USP3: variants seen among roughly 807,000 people sequenced by gnomAD.
The protein encoded by USP3 is ubiquitin carboxyl-terminal hydrolase 3.
Under a neutral mutation model 72.3 loss-of-function variants are expected in USP3, and 20 were observed. The observed-to-expected ratio is 0.28, with a 90% CI of 0.19 to 0.40. The LOEUF is 0.40. USP3 is among the 10% of genes least tolerant of loss of function. USP3 has a pLI of 1.00. For synonymous variants in USP3, 222 were observed against 225.3 expected, an observed-to-expected ratio of 0.99 and a Z score of 0.13; for missense variants, 479 against 633.9, an observed-to-expected ratio of 0.76 and a Z score of 2.62.
chr15:63,535,515 G>C (rs1462055748), intron 2 of USP3, among the ~76,000 whole-genome samples: 1 of 152,172 alleles, frequency 6.6e-6, no homozygotes, highest in African/African-American at 2.4e-5. Context: ...AAGCTCTCAT[G>C]GCCAGGATGT....
chr15:63,555,066 A>G (rs914640279), intron 4 of USP3, among the ~76,000 whole-genome samples: 2 of 152,190 alleles, frequency 1.3e-5, no homozygotes, highest in Admixed American at 1.3e-4. Flanking sequence ...AGTCAAAGGG[A>G]AAAGAGGGCA....
chr15:63,531,866 A>G lies in USP3; in HGVS notation c.92-781A>G, dbSNP rs1445659524. Among the ~76,000 whole-genome samples the G allele has an allele frequency of 4.6e-5, 7 of 152,258 alleles. No homozygotes were observed. The East Asian group carries it at 1.2e-3, about 25-fold the overall frequency. ...GGAAGCTACTTTGCGCAAAATATAC[A>G]TGTTCTTTGTACTTCCTTCCCCACG... is the stretch of plus-strand genomic sequence containing the variant. On this transcript the variant is annotated intron_variant, in intron 1 of 14. Transcript: ENST00000380324.
At chr15:63,554,272 C>T (rs1345521561) in intron 4 of USP3, among the ~76,000 whole-genome samples, 1 of 152,114 alleles carries the variant, frequency 6.6e-6, no homozygotes, top group African/African-American at 2.4e-5. Flanking sequence ...GGCACAGGAT[C>T]CTAGTTTCTT....
At chr15:63,536,405 C>T (rs2066155987) in intron 2 of USP3, among the ~76,000 whole-genome samples, 1 of 148,728 alleles carries the variant, frequency 6.7e-6, no homozygotes, top group African/African-American at 2.5e-5. Context: ...ATTTACTTAA[C>T]AGAGCTTGTC....
chr15:63,563,371 T>G (rs1479635832), intron 8 of USP3, among the ~76,000 whole-genome samples: 1 of 152,170 alleles, frequency 6.6e-6, no homozygotes, highest in Non-Finnish European at 1.5e-5. Flanking sequence ...GCTAAAAAAA[T>G]TAATAAGATC....
chr15:63,511,103 A>G (rs1029903033), intron 1 of USP3, among the ~76,000 whole-genome samples: 5 of 151,944 alleles, frequency 3.3e-5, no homozygotes, highest in Admixed American at 6.6e-5. Flanking sequence ...CTAGCATTTA[A>G]TCCTGACTAA....
At chr15:63,537,272 G>A in intron 3 of USP3, 116 bp downstream of exon 3, 1 of 1,233,006 alleles carries the variant, frequency 8.1e-7, no homozygotes, top group East Asian at 2.7e-5. Flanking sequence ...TTTTACAACT[G>A]TTAGGATTCA....
At chr15:63,536,942 GATTA>G in intron 2 of USP3, 79 bp from the exon 3 acceptor site, 1 of 1,381,410 alleles carries the variant, frequency 7.2e-7, no homozygotes, top group Non-Finnish European at 9.8e-7. Context: ...ATTTTGATTT[GATTA>G]ATATTTAATT....
Position 63,593,124 on chromosome 15 carries a change from G to A in USP3, c.*2298G>A, listed in dbSNP as rs981116323. The A allele has an allele frequency of 2.0e-5, 3 of 152,144 alleles. No individual in the cohort carries two copies. Among genetic ancestry groups the A allele is most frequent in the Non-Finnish European group, 4.4e-5 (3 of 68,022 alleles). 9.4% of individuals were successfully genotyped at this position (152,144 alleles called of 1,614,324 possible). On this transcript the variant is annotated 3_prime_UTR_variant, in exon 15 of 15. Transcript: ENST00000380324. ...AATAAAACTTTGCCATCATGTTTAG[G>A]TCTTACAACTTTGAGTCCTAAAAGA...
chr15:63,512,537 C>T (rs2065804907), intron 1 of USP3, among the ~76,000 whole-genome samples: 1 of 151,976 alleles, frequency 6.6e-6, no homozygotes, highest in African/African-American at 2.4e-5. Flanking sequence ...CCTCCACTCC[C>T]AGGTTCAAGT....
intron 11 of USP3, among the ~76,000 whole-genome samples, chr15:63,582,613 C>T (rs979131494): frequency 3.9e-5 from 6 of 152,152 alleles, no homozygotes; most frequent in African/African-American, 7.2e-5. Context: ...ACTAACTTTC[C>T]ATTATCTTGT....
chr15:63,565,653 A>C (rs1380357954), intron 8 of USP3, among the ~76,000 whole-genome samples: 1 of 152,074 alleles, frequency 6.6e-6, no homozygotes, highest in Non-Finnish European at 1.5e-5. Context: ...TGTTTATGTC[A>C]TTTTTAATGT....
Position 63,588,760 on chromosome 15 carries a change from A to C in USP3, c.1274A>C (p.Asp425Ala). 3.1e-6 allele frequency: 5 copies of C among 1,614,208 alleles called. No homozygotes were observed. Among genetic ancestry groups the C allele is most frequent in the Non-Finnish European group, 4.2e-6 (5 of 1,180,014 alleles). Residue 425 changes from aspartate to alanine, a missense_variant, in exon 13 of 15, where the codon GAT becomes GCT. Asp to Ala is a moderately radical substitution (Grantham distance 126, BLOSUM62 -2). Transcript: ENST00000380324. This position sits in a 1 kb window ranked among gnomAD's most constrained non-coding sequence, Gnocchi z 4.6. The part of the protein sequence containing the change: ...HWTAYLRNKV[D>A]TYVEFPLRGL... ...ACAGCATATTTAAGAAATAAAGTTG[A>C]TACATACGTAGAATTTCCACTGAGA...
At chr15:63,509,954 T>C (rs892348495) in intron 1 of USP3, among the ~76,000 whole-genome samples, 1 of 152,226 alleles carries the variant, frequency 6.6e-6, no homozygotes, top group African/African-American at 2.4e-5. Context: ...CTTCATGGTC[T>C]AAGCAGAAGA....
intron 2 of USP3, chr15:63,533,985 C>T: frequency 1.7e-6 from 1 of 582,244 alleles, no homozygotes; most frequent in Non-Finnish European, 2.2e-6. Flanking sequence ...TGCTCTACAA[C>T]CTAAATCTTG....
intron 1 of USP3, among the ~76,000 whole-genome samples, chr15:63,530,293 CCCTTCCTTCCTT>C (rs1341953991): frequency 7.6e-6 from 1 of 132,420 alleles, no homozygotes; most frequent in East Asian, 2.3e-4. Context: ...CTCCTTCCCT[CCCTTCCTTCCTT>C]CCTTCATTCC....
intron 4 of USP3, among the ~76,000 whole-genome samples, chr15:63,554,168 TTA>T (rs1430007851): frequency 1.3e-5 from 2 of 152,144 alleles, no homozygotes; most frequent in Non-Finnish European, 2.9e-5. Flanking sequence ...GTCAAATGTA[TTA>T]TGAGGTCTAC....
intron 11 of USP3, among the ~76,000 whole-genome samples, chr15:63,579,071 A>G (rs770136197): frequency 5.3e-5 from 8 of 152,340 alleles, no homozygotes; most frequent in Non-Finnish European, 8.8e-5. Flanking sequence ...GGCTTTCTGT[A>G]TGTAGCAAAA....
chr15:63,512,293 TTCTTCTTCCTCC>T (rs990076725), intron 1 of USP3, among the ~76,000 whole-genome samples: 1 of 143,374 alleles, frequency 7.0e-6, no homozygotes, highest in African/African-American at 2.9e-5. Context: ...CTTCTTCCTC[TTCTTCTTCCTCC>T]TCTTCTTCTT....
Sources: allele counts gnomAD v4.1 joint callset (sites outside exome capture counted in the v4.1 genomes callset), GRCh38; gene constraint gnomAD v4.1.1; non-coding constraint Gnocchi (gnomAD v3.1); transcripts MANE v1.5; gene names NCBI Gene and HGNC (gene_info 2026-07-23, HGNC 2026-07-21).